Variants in TP63 observed in about 807,000 individuals in gnomAD.
The protein encoded by TP63 is tumor protein 63.
In TP63, 17 loss-of-function variants were observed where a neutral mutation model predicts 82.8. That is an observed-to-expected ratio of 0.21 (90% confidence interval 0.14 to 0.31). TP63 has a LOEUF of 0.31. TP63 is among the 10% of genes least tolerant of loss of function. The pLI, the probability that TP63 is intolerant of heterozygous loss-of-function variation, is 1.00. For missense variants in TP63, 648 were observed against 895.3 expected (o/e 0.72, Z 3.52); for synonymous variants, 330 against 321.7 (o/e 1.03, Z -0.28).
intron 10 of TP63, among the ~76,000 whole-genome samples, chr3:189,879,354 A>G (rs1188699878): frequency 6.6e-6 from 1 of 152,214 alleles, no homozygotes; most frequent in Non-Finnish European, 1.5e-5. Flanking sequence ...CTCGTGGTGT[A>G]AATAATTTCT....
intron 4 of TP63, among the ~76,000 whole-genome samples, chr3:189,810,295 G>T (rs1044565582): frequency 1.3e-5 from 2 of 152,054 alleles, no homozygotes; most frequent in African/African-American, 4.8e-5. Context: ...TTTATAAATG[G>T]AGCACTGATA....
intron 3 of TP63, among the ~76,000 whole-genome samples, chr3:189,755,135 A>G (rs1194031546): frequency 1.3e-5 from 2 of 152,158 alleles, no homozygotes; most frequent in African/African-American, 4.8e-5. Flanking sequence ...CATTGATCTC[A>G]GAGAATTGTG....
chr3:189,889,545 G>A (rs895369903), intron 12 of TP63, 61 bp downstream of exon 12: 27 of 1,608,944 alleles, frequency 1.7e-5, no homozygotes, highest in South Asian at 3.3e-5. Flanking sequence ...GGTGGAGGGC[G>A]GATACTGTTA....
At chr3:189,787,249 C>G (rs752158953) in intron 3 of TP63, among the ~76,000 whole-genome samples, 1 of 152,066 alleles carries the variant, frequency 6.6e-6, no homozygotes, top group Non-Finnish European at 1.5e-5. Context: ...AAATAAATAT[C>G]CGAGTAAAAT....
chr3:189,695,918 C>T (rs1042208146), intron 1 of TP63, among the ~76,000 whole-genome samples: 4 of 152,146 alleles, frequency 2.6e-5, no homozygotes, highest in Non-Finnish European at 4.4e-5. Flanking sequence ...TCGCTAACTT[C>T]AGAGTTACTT....
chr3:189,624,086 A>G, the TP63 span, among the ~76,000 whole-genome samples: 1 of 152,178 alleles, frequency 6.6e-6, no homozygotes, highest in African/African-American at 2.4e-5. Context: ...ATTGATGTTT[A>G]TGCTGAGTAT....
intron 1 of TP63, among the ~76,000 whole-genome samples, chr3:189,709,037 G>A (rs1033835385): frequency 6.6e-6 from 1 of 152,074 alleles, no homozygotes; most frequent in African/African-American, 2.4e-5. Flanking sequence ...CATATAGTTA[G>A]TTAGATTCAT....
At chr3:189,651,410 G>T (rs1277791817) in intron 1 of TP63, among the ~76,000 whole-genome samples, 1 of 146,116 alleles carries the variant, frequency 6.8e-6, no homozygotes, top group Non-Finnish European at 1.5e-5. Context: ...GCTGGGCATG[G>T]TGGCAGAAGC....
At chr3:189,777,705 C>G (rs1472060235) in intron 3 of TP63, among the ~76,000 whole-genome samples, 1 of 151,106 alleles carries the variant, frequency 6.6e-6, no homozygotes, top group Non-Finnish European at 1.5e-5. Flanking sequence ...CTTACTTAGT[C>G]TTCACTTTAG....
At chr3:189,661,867 T>G (rs537628081) in intron 1 of TP63, among the ~76,000 whole-genome samples, 1 of 152,230 alleles carries the variant, frequency 6.6e-6, no homozygotes, top group East Asian at 1.9e-4. Flanking sequence ...GATATGTTTA[T>G]AATAGTCTTT....
chr3:189,682,553 A>AAAAATAT (rs1716055397), intron 1 of TP63, among the ~76,000 whole-genome samples: 1 of 10,372 alleles, frequency 9.6e-5, no homozygotes, highest in African/African-American at 2.1e-4. Flanking sequence ...AAAAAAAAAA[A>AAAAATAT]ATATATATAT....
At chr3:189,839,040 T>TAAAAAAAAAAAAACA in intron 4 of TP63, among the ~76,000 whole-genome samples, 1 of 88,608 alleles carries the variant, frequency 1.1e-5, no homozygotes, top group Non-Finnish European at 2.1e-5. Context: ...TATCCTAAGC[T>TAAAAAAAAAAAAACA]AAAAAAAAAA....
In TP63 at chr3:189,784,800, T is replaced by C. The variant is rs146009677; in HGVS notation, c.325-23472T>C. ...ACTTAGCCTCAGACTAAAAATTGAT[T>C]TGTTGAACTAATTCAGTGGCCTTCA... is the stretch of plus-strand genomic sequence containing the variant. On this transcript the variant is annotated intron_variant, in intron 3 of 13. Transcript: ENST00000264731. 2.4e-3 allele frequency among the ~76,000 whole-genome samples: 364 copies of C among 152,180 alleles called. 1 individual carries two copies. Among genetic ancestry groups the C allele is most frequent in the African/African-American group, 8.4e-3 (350 of 41,564 alleles).
chr3:189,717,228 G>T (rs1193214036), intron 1 of TP63, among the ~76,000 whole-genome samples: 2 of 152,068 alleles, frequency 1.3e-5, no homozygotes, highest in Non-Finnish European at 2.9e-5. Flanking sequence ...CTGCTCCCAT[G>T]TTTCAACATC....
chr3:189,816,672 G>A (rs1038812562), intron 4 of TP63, among the ~76,000 whole-genome samples: 19 of 152,146 alleles, frequency 1.2e-4, no homozygotes, highest in Non-Finnish European at 2.4e-4. Context: ...AGAGTTTATT[G>A]TAGAATAGAA....
chr3:189,678,920 A>G (rs142888700), intron 1 of TP63, among the ~76,000 whole-genome samples: 49 of 152,158 alleles, frequency 3.2e-4, no homozygotes, highest in African/African-American at 1.1e-3. Context: ...ATTGATGTAT[A>G]TAAACGCTAC....
At chr3:189,880,232 A>T (rs1719764252) in intron 10 of TP63, 2 of 1,573,408 alleles carry the variant, frequency 1.3e-6, no homozygotes, top group South Asian at 1.2e-5. Context: ...TGTATATGTG[A>T]GTGTGTGTGT....
At chr3:189,713,035 C>G (rs899513540) in intron 1 of TP63, among the ~76,000 whole-genome samples, 7 of 152,122 alleles carry the variant, frequency 4.6e-5, no homozygotes, top group Non-Finnish European at 7.4e-5. Flanking sequence ...CTAGGTTTGC[C>G]TGGGAATTCT....
intron 1 of TP63, among the ~76,000 whole-genome samples, chr3:189,641,757 G>A (rs771658644): frequency 3.9e-5 from 6 of 151,952 alleles, no homozygotes; most frequent in Non-Finnish European, 8.8e-5. Context: ...TTATTTCCTT[G>A]GGATAGTTCA....
Sources: allele counts gnomAD v4.1 joint callset (sites outside exome capture counted in the v4.1 genomes callset), GRCh38; gene constraint gnomAD v4.1.1; transcripts MANE v1.5; gene names NCBI Gene and HGNC (gene_info 2026-07-23, HGNC 2026-07-21).